The following SGCZ variants were observed in gnomAD, a reference collection of about 807,000 sequenced individuals.
The protein encoded by SGCZ is zeta-sarcoglycan.
Under a neutral mutation model 41.3 loss-of-function variants are expected in SGCZ, and 40 were observed. That is an observed-to-expected ratio of 0.97 (90% CI 0.75 to 1.26). SGCZ has a LOEUF of 1.26. Among genes scored for constraint, SGCZ ranks in the 50% most tolerant of loss-of-function variants. The probability of loss-of-function intolerance (pLI) is 0.00; values close to 1 mark genes in which losing one functional copy is unlikely to be tolerated. For synonymous variants in SGCZ, 206 were observed against 137.5 expected, an observed-to-expected ratio of 1.50 and a Z score of -3.49; for missense variants, 552 against 369.8, an observed-to-expected ratio of 1.49 and a Z score of -4.04.
chr8:14,737,066 A>C (rs1474360371), intron 1 of SGCZ, among the ~76,000 whole-genome samples: 2 of 148,626 alleles, frequency 1.3e-5, no homozygotes, highest in Admixed American at 1.4e-4. Flanking sequence ...TCTATATAAC[A>C]GTATATATCT....
At chr8:14,371,399 C>CAAT (rs1371251190) in intron 2 of SGCZ, among the ~76,000 whole-genome samples, 8 of 152,128 alleles carry the variant, frequency 5.3e-5, no homozygotes, top group African/African-American at 1.9e-4. Flanking sequence ...CCGGTATTAG[C>CAAT]AATAACCTTT....
At chr8:14,650,415 C>T (rs1236166328) in intron 1 of SGCZ, among the ~76,000 whole-genome samples, 1 of 151,950 alleles carries the variant, frequency 6.6e-6, no homozygotes, top group Non-Finnish European at 1.5e-5. Flanking sequence ...CAATTCATGT[C>T]ATGGGGGTTT....
At chr8:15,077,422 G>A (rs1805576170) in intron 1 of SGCZ, among the ~76,000 whole-genome samples, 2 of 152,206 alleles carry the variant, frequency 1.3e-5, no homozygotes, top group South Asian at 2.1e-4. Flanking sequence ...AGAACTTGTT[G>A]CAAGAATTAG....
intron 1 of SGCZ, among the ~76,000 whole-genome samples, chr8:14,727,786 G>A (rs760866657): frequency 1.1e-4 from 16 of 151,934 alleles, no homozygotes; most frequent in Admixed American, 3.3e-4. Context: ...TGCTGGGCGT[G>A]AGCCACCGCG....
At chr8:14,915,692 T>A (rs1564447) in intron 1 of SGCZ, among the ~76,000 whole-genome samples, 22,652 of 152,086 alleles carry the variant, frequency 0.15, 2,589 homozygotes, top group African/African-American at 0.32. Flanking sequence ...TGTGTTCCCT[T>A]CGTAGTAAAT....
intron 1 of SGCZ, among the ~76,000 whole-genome samples, chr8:15,019,818 A>C (rs970894591): frequency 6.7e-6 from 1 of 150,006 alleles, no homozygotes; most frequent in African/African-American, 2.5e-5. Context: ...CTGGGAAAGC[A>C]GCATATTTAG....
At chr8:15,195,880 T>G (rs1256506816) in intron 1 of SGCZ, among the ~76,000 whole-genome samples, 2 of 150,220 alleles carry the variant, frequency 1.3e-5, no homozygotes, top group African/African-American at 4.9e-5. Flanking sequence ...TTATACATCC[T>G]TAGGCTTCGA....
chr8:14,109,613 A>G (rs1042604476), intron 5 of SGCZ, among the ~76,000 whole-genome samples: 2 of 152,222 alleles, frequency 1.3e-5, no homozygotes, highest in Non-Finnish European at 2.9e-5. Context: ...GAGAAAAATC[A>G]TGTAAAATAT....
intron 1 of SGCZ, among the ~76,000 whole-genome samples, chr8:15,088,163 T>C (rs916861522): frequency 2.6e-5 from 4 of 152,152 alleles, no homozygotes; most frequent in Admixed American, 1.3e-4. Context: ...TTTTTTGGTG[T>C]TTGATCATAT....
At chr8:15,210,717 G>T (rs575212328) in intron 1 of SGCZ, among the ~76,000 whole-genome samples, 1 of 151,902 alleles carries the variant, frequency 6.6e-6, no homozygotes. Flanking sequence ...TTTATCACCC[G>T]TCCCTTGCAG....
intron 2 of SGCZ, among the ~76,000 whole-genome samples, chr8:14,372,077 T>C (rs1803933946): frequency 6.6e-6 from 1 of 151,932 alleles, no homozygotes; most frequent in African/African-American, 2.4e-5. Flanking sequence ...TTAATGGAAA[T>C]GGAGAAACTC....
chr8:15,235,430 C>T (rs890075905), intron 1 of SGCZ, among the ~76,000 whole-genome samples: 2 of 152,184 alleles, frequency 1.3e-5, no homozygotes, highest in African/African-American at 4.8e-5. Context: ...TCTCAACAAC[C>T]TCAATAGATC....
At chr8:14,283,547 A>G (rs977566229) in intron 3 of SGCZ, among the ~76,000 whole-genome samples, 1 of 152,214 alleles carries the variant, frequency 6.6e-6, no homozygotes, top group African/African-American at 2.4e-5. Context: ...GAGCCATTTG[A>G]GAGTACTTGG....
At chr8:14,427,196 A>G (rs140972854) in intron 2 of SGCZ, among the ~76,000 whole-genome samples, 2 of 152,228 alleles carry the variant, frequency 1.3e-5, no homozygotes, top group East Asian at 3.9e-4. Flanking sequence ...CTTGCCTAAT[A>G]TAGGATAAAG....
chr8:14,990,477 G>A (rs1163906662), intron 1 of SGCZ, among the ~76,000 whole-genome samples: 2 of 152,020 alleles, frequency 1.3e-5, no homozygotes, highest in Non-Finnish European at 2.9e-5. Context: ...ATCAACCACA[G>A]CATTAGATTC....
intron 1 of SGCZ, among the ~76,000 whole-genome samples, chr8:14,588,449 A>G (rs1805132860): frequency 6.6e-6 from 1 of 152,190 alleles, no homozygotes; most frequent in Non-Finnish European, 1.5e-5. Flanking sequence ...TTATTCAGTG[A>G]ATACATTAAT....
chr8:14,766,247 A>T (rs1463579074), intron 1 of SGCZ, among the ~76,000 whole-genome samples: 1 of 152,206 alleles, frequency 6.6e-6, no homozygotes, highest in Non-Finnish European at 1.5e-5. Context: ...GGCATGAGGC[A>T]TGGCCCCCAG....
At chr8:14,553,323 A>G (rs1803930553) in intron 2 of SGCZ, among the ~76,000 whole-genome samples, 1 of 152,066 alleles carries the variant, frequency 6.6e-6, no homozygotes, top group Non-Finnish European at 1.5e-5. Context: ...GAATGTACCT[A>G]CAAGCCTTCA....
intron 3 of SGCZ, among the ~76,000 whole-genome samples, chr8:14,269,118 T>G (rs1186522040): frequency 6.6e-6 from 1 of 151,996 alleles, no homozygotes; most frequent in Non-Finnish European, 1.5e-5. Flanking sequence ...TAGTCATAAA[T>G]TTTTTTATTT....
Sources: gnomAD v4.1 joint callset for allele counts (sites outside exome capture counted in the v4.1 genomes callset) on GRCh38, gnomAD v4.1.1 for gene constraint, MANE v1.5 for transcripts, NCBI Gene and HGNC (gene_info 2026-07-23, HGNC 2026-07-21) for gene names.